Variants in LAPTM4B observed in about 807,000 individuals in gnomAD.
LAPTM4B encodes lysosomal protein transmembrane 4 beta.
In LAPTM4B, 26 loss-of-function variants were observed where a neutral mutation model predicts 28.5. The ratio of observed to expected loss-of-function variants is 0.91; its 90% CI spans 0.67 to 1.27. The LOEUF (loss-of-function observed/expected upper bound fraction) is 1.27. Among genes scored for constraint, LAPTM4B ranks in the 50% most tolerant of loss-of-function variants. The probability of loss-of-function intolerance (pLI) is 0.00; values close to 1 mark genes in which losing one functional copy is unlikely to be tolerated. For synonymous variants in LAPTM4B, 109 were observed against 106.4 expected, an observed-to-expected ratio of 1.02 and a Z score of -0.15; for missense variants, 288 against 285.8, an observed-to-expected ratio of 1.01 and a Z score of -0.06.
chr8:97,838,724 CAT>C lies in LAPTM4B; in HGVS notation c.604-12672_604-12671del, dbSNP rs879455144. On this transcript the variant is annotated intron_variant, in intron 6 of 6. Coordinates refer to ENST00000521545, the MANE Select transcript of LAPTM4B (RefSeq NM_018407.6). ...GTATTGCCCAGGATGAGGAGTGAAA[CAT>C]GTGGACACTTTTTCATTCAGACAGT... Among the ~76,000 whole-genome samples the C allele has an allele frequency of 8.5e-5, 13 of 152,264 alleles. 1 individual carries two copies. Among genetic ancestry groups the C allele is most frequent in the Admixed American group, 5.2e-4 (8 of 15,292 alleles).
chr8:97,806,516 A>G (rs1816756592), intron 2 of LAPTM4B, among the ~76,000 whole-genome samples: 1 of 152,162 alleles, frequency 6.6e-6, no homozygotes, highest in Non-Finnish European at 1.5e-5. Context: ...CTGGGGGAGA[A>G]AAATAGACTT....
At chr8:97,829,130 G>A (rs1464503023) in intron 6 of LAPTM4B, among the ~76,000 whole-genome samples, 3 of 152,194 alleles carry the variant, frequency 2.0e-5, no homozygotes, top group African/African-American at 7.2e-5. Flanking sequence ...GATCCAGCAA[G>A]GGTAGCAGCT....
In LAPTM4B at chr8:97,809,962, T is replaced by G. The variant is rs1235629944; in HGVS notation, c.211+4498T>G. Among the ~76,000 whole-genome samples the G allele has an allele frequency of 2.0e-5, 3 of 152,290 alleles. No individual in the cohort carries two copies. The South Asian group carries it at 6.2e-4, about 32-fold the overall frequency. On this transcript the variant is annotated intron_variant, in intron 2 of 6. Transcript: ENST00000521545. ...TTATTTTTGAGGCTGGGTCCCACTC[T>G]GTCACCAGGCTGGAGTGCAGTGTCG...
intron 2 of LAPTM4B, among the ~76,000 whole-genome samples, chr8:97,805,880 T>C (rs1816750463): frequency 6.6e-6 from 1 of 152,196 alleles, no homozygotes; most frequent in Admixed American, 6.5e-5. Flanking sequence ...TGGGGGAATT[T>C]AGGGCCTTTT....
At chr8:97,827,995 T>G (rs1227646216) in intron 6 of LAPTM4B, among the ~76,000 whole-genome samples, 2 of 152,196 alleles carry the variant, frequency 1.3e-5, no homozygotes, top group African/African-American at 4.8e-5. Flanking sequence ...TAGCTGTTTT[T>G]CTTCTTTTGT....
chr8:97,777,541 T>C (rs1816243610), intron 1 of LAPTM4B, among the ~76,000 whole-genome samples: 1 of 152,092 alleles, frequency 6.6e-6, no homozygotes, highest in Non-Finnish European at 1.5e-5. Context: ...ACTTTTTGTC[T>C]AACTGTGAAC....
chr8:97,777,250 G>A (rs942078669), intron 1 of LAPTM4B, among the ~76,000 whole-genome samples: 1 of 144,226 alleles, frequency 6.9e-6, no homozygotes, highest in African/African-American at 2.6e-5. Flanking sequence ...AGGTTCAAGC[G>A]ATTCTCCTTC....
rs1485601409 is a variant in LAPTM4B, at chr8:97,775,897, G to C, written c.-113G>C. ...GGCCCGCGGGCGCACGGGCGAGCGG[G>C]CCGGGAGCCGGAGCGGCGGAGGAGC... On this transcript the variant is annotated 5_prime_UTR_variant, in exon 1 of 7. Coordinates refer to ENST00000521545, the MANE Select transcript of LAPTM4B (RefSeq NM_018407.6). 8.2e-6 allele frequency: 12 copies of C among 1,459,630 alleles called. No individual in the cohort carries two copies. The highest frequency in any genetic ancestry group is 2.8e-5 in the Admixed American group (1 of 36,044). 90.4% of individuals were successfully genotyped at this position (1,459,630 alleles called of 1,614,324 possible). A position where few individuals can be genotyped will look rare whatever the true frequency, so the allele number is the denominator to read the frequency against.
intron 6 of LAPTM4B, among the ~76,000 whole-genome samples, chr8:97,838,453 A>G (rs1462726359): frequency 6.6e-6 from 1 of 152,194 alleles, no homozygotes; most frequent in Non-Finnish European, 1.5e-5. Flanking sequence ...AGTGCTTTAC[A>G]TAGATTAACT....
intron 6 of LAPTM4B, among the ~76,000 whole-genome samples, chr8:97,850,465 G>GGTGTGTGTGTGTGT (rs761478917): frequency 1.8e-4 from 7 of 37,850 alleles, no homozygotes; most frequent in African/African-American, 1.4e-3. Context: ...GGAGAGGAGG[G>GGTGTGTGTGTGTGT]GTGTGTGTGT....
chr8:97,810,516 A>G (rs530596636), intron 2 of LAPTM4B, among the ~76,000 whole-genome samples: 36 of 152,342 alleles, frequency 2.4e-4, no homozygotes, highest in African/African-American at 8.2e-4. Context: ...ACTTTCCTAT[A>G]TGTCTAAAAT....
rs982699088 is a variant in LAPTM4B at position 97,852,448 on chromosome 8, T to G, written c.*974T>G. On this transcript the variant is annotated 3_prime_UTR_variant, in exon 7 of 7. Transcript: ENST00000521545. ...ATTTTCAGAAAAATGAGGATTGCCT[T>G]CCTTGTATGCGCTTTTTACCTTGAC... The G allele has an allele frequency of 6.6e-5, 10 of 152,238 alleles. No homozygotes were observed. The highest frequency in any genetic ancestry group is 2.0e-4 in the Admixed American group (3 of 15,284). The allele number at this position is 152,238 out of a possible 1,614,324, so 9.4% of individuals were successfully genotyped here.
chr8:97,786,714 A>AG (rs908553859), intron 1 of LAPTM4B, among the ~76,000 whole-genome samples: 2 of 151,110 alleles, frequency 1.3e-5, no homozygotes, highest in African/African-American at 4.9e-5. Context: ...AAAAAAAAAA[A>AG]AAACCATTAA....
rs543040493 is a variant in LAPTM4B, at chr8:97,802,419, C to T, written c.100-2934C>T. 4.8e-4 allele frequency among the ~76,000 whole-genome samples: 73 copies of T among 152,134 alleles called. 2 individuals carry two copies. In the South Asian group the frequency reaches 0.015, roughly 30 times the overall value. On this transcript the variant is annotated intron_variant, in intron 1 of 6. Transcript: ENST00000521545. ...CCATGGCATTTGTAAATTGTCATGG[C>T]GCTGGTGGGAGTGTCTTTTAGCATG...
At chr8:97,837,444 T>G (rs6992805) in intron 6 of LAPTM4B, among the ~76,000 whole-genome samples, 1 of 151,852 alleles carries the variant, frequency 6.6e-6, no homozygotes, top group Non-Finnish European at 1.5e-5. Flanking sequence ...CCACCTGCCT[T>G]GGCCACCCGA....
At chr8:97,848,526 A>G (rs998893607) in intron 6 of LAPTM4B, among the ~76,000 whole-genome samples, 13 of 152,040 alleles carry the variant, frequency 8.6e-5, no homozygotes, top group African/African-American at 3.1e-4. Flanking sequence ...TTACCTTTTA[A>G]GTAGCTCTAC....
At chr8:97,823,428 G>A (rs1169179441) in intron 5 of LAPTM4B, among the ~76,000 whole-genome samples, 11 of 149,740 alleles carry the variant, frequency 7.3e-5, no homozygotes, top group Non-Finnish European at 1.5e-4. Flanking sequence ...AGGCTGGAGT[G>A]CAGTGGCGCA....
chr8:97,805,242 G>A, intron 1 of LAPTM4B, 111 bp from the exon 2 acceptor site: 1 of 635,708 alleles, frequency 1.6e-6, no homozygotes, highest in Non-Finnish European at 2.8e-6. Flanking sequence ...AGCCACTGAA[G>A]AAGTTGCCTG....
intron 1 of LAPTM4B, among the ~76,000 whole-genome samples, chr8:97,780,553 A>G (rs1367889112): frequency 2.6e-5 from 4 of 152,184 alleles, no homozygotes; most frequent in African/African-American, 7.2e-5. Context: ...ATTCCTACCA[A>G]TACCGTTTAC....
Sources: gnomAD v4.1 joint callset for allele counts (sites outside exome capture counted in the v4.1 genomes callset) on GRCh38, gnomAD v4.1.1 for gene constraint, MANE v1.5 for transcripts, NCBI Gene and HGNC (gene_info 2026-07-23, HGNC 2026-07-21) for gene names.